CACNA2D3: variants seen among roughly 807,000 people sequenced by gnomAD.
CACNA2D3 encodes calcium voltage-gated channel auxiliary subunit alpha2delta 3, also known as voltage-dependent calcium channel subunit alpha-2/delta-3.
Under a neutral mutation model 160.6 loss-of-function variants are expected in CACNA2D3, and 60 were observed. That is an observed-to-expected ratio of 0.37 (90% CI 0.30 to 0.46). The LOEUF (loss-of-function observed/expected upper bound fraction) is 0.46. Ranked by LOEUF, CACNA2D3 falls within the 20% of genes least tolerant of loss-of-function variation. The pLI, the probability that CACNA2D3 is intolerant of heterozygous loss-of-function variation, is 1.00. For synonymous variants in CACNA2D3, 558 were observed against 492.9 expected (o/e 1.13, Z -1.75); for missense variants, 1,205 against 1,365.0 (o/e 0.88, Z 1.85).
intron 2 of CACNA2D3, among the ~76,000 whole-genome samples, chr3:54,158,874 C>G (rs1700290065): frequency 6.6e-6 from 1 of 152,206 alleles, no homozygotes; most frequent in Non-Finnish European, 1.5e-5. Flanking sequence ...TGTCCTACCT[C>G]TGTGCACATG....
At position 55,074,492 on chromosome 3, in the gene CACNA2D3, G is replaced by T; in HGVS notation, c.*286G>T. 1 of 387,962 alleles carries T rather than the reference G, an allele frequency of 2.6e-6. No individual in the cohort carries two copies. Among genetic ancestry groups the T allele is most frequent in the Non-Finnish European group, 4.7e-6 (1 of 213,804 alleles). The allele number at this position is 387,962 out of a possible 1,614,324, so 24.0% of individuals were successfully genotyped here. A position where few individuals can be genotyped will look rare whatever the true frequency, so the allele number is the denominator to read the frequency against. The stretch of plus-strand genomic sequence containing the variant: ...GCAAGTGGTAGGCAGTGTCCCTTCT[G>T]CTTGAAACCTATTGAAACCAATTTA... On this transcript the variant is annotated 3_prime_UTR_variant, in exon 38 of 38. Coordinates refer to ENST00000474759, the MANE Select transcript of CACNA2D3 (RefSeq NM_018398.3).
chr3:54,828,026 A>G (rs1386514298), intron 14 of CACNA2D3, among the ~76,000 whole-genome samples: 2 of 152,206 alleles, frequency 1.3e-5, no homozygotes, highest in Admixed American at 6.5e-5. Flanking sequence ...CTTTGGTTGT[A>G]GAATAAAGAT....
intron 11 of CACNA2D3, among the ~76,000 whole-genome samples, chr3:54,673,856 C>A (rs1367951750): frequency 6.6e-6 from 1 of 152,124 alleles, no homozygotes; most frequent in East Asian, 1.9e-4. Flanking sequence ...GGTGAAAGGC[C>A]CTTCACTCTC....
chr3:54,795,285 C>T (rs1388303407), intron 13 of CACNA2D3, among the ~76,000 whole-genome samples: 1 of 151,742 alleles, frequency 6.6e-6, no homozygotes, highest in Non-Finnish European at 1.5e-5. Flanking sequence ...TTTTATTTAT[C>T]CCTTTATTGT....
intron 20 of CACNA2D3, among the ~76,000 whole-genome samples, 163 bp downstream of exon 20, chr3:54,879,574 C>T (rs115182866): frequency 0.054 from 8,230 of 152,128 alleles, 679 homozygotes; most frequent in African/African-American, 0.18. Context: ...CTTTTGTTTT[C>T]CAGAAGGGGG....
chr3:54,193,752 A>G (rs1053493001), intron 2 of CACNA2D3, among the ~76,000 whole-genome samples: 2 of 152,174 alleles, frequency 1.3e-5, no homozygotes, highest in Non-Finnish European at 2.9e-5. Context: ...TCGAGGCTGA[A>G]TTACAATGTG....
intron 2 of CACNA2D3, among the ~76,000 whole-genome samples, chr3:54,191,619 G>C (rs1170759696): frequency 6.6e-6 from 1 of 152,088 alleles, no homozygotes; most frequent in South Asian, 2.1e-4. Context: ...GCTTGTGCCT[G>C]GTGCTGGGAG....
At chr3:54,235,018 TA>T (rs559775551) in intron 2 of CACNA2D3, among the ~76,000 whole-genome samples, 1 of 151,984 alleles carries the variant, frequency 6.6e-6, no homozygotes, top group Non-Finnish European at 1.5e-5. Context: ...AAATAAAAGT[TA>T]AAAAAAATTC....
intron 9 of CACNA2D3, among the ~76,000 whole-genome samples, chr3:54,592,214 T>C (rs1213553614): frequency 1.3e-5 from 2 of 152,212 alleles, no homozygotes; most frequent in Admixed American, 6.5e-5. Context: ...GAAGAGGTAG[T>C]GAGAGGATCT....
At chr3:55,024,524 T>A (rs1042525038) in intron 35 of CACNA2D3, among the ~76,000 whole-genome samples, 2 of 152,082 alleles carry the variant, frequency 1.3e-5, no homozygotes, top group Non-Finnish European at 2.9e-5. Context: ...AAAATAAGTT[T>A]GAGGGAATCT....
intron 13 of CACNA2D3, chr3:54,789,934 C>T: frequency 2.1e-6 from 1 of 483,500 alleles, no homozygotes; most frequent in Non-Finnish European, 4.2e-6. Flanking sequence ...GAGATTCACC[C>T]TCTGTGTTCT....
At chr3:54,675,650 G>C (rs375206344) in intron 11 of CACNA2D3, among the ~76,000 whole-genome samples, 4 of 152,158 alleles carry the variant, frequency 2.6e-5, no homozygotes, top group East Asian at 3.9e-4. Flanking sequence ...ATGCTGCTGT[G>C]CATTCCTGGG....
intron 2 of CACNA2D3, among the ~76,000 whole-genome samples, chr3:54,209,748 C>T (rs1701338907): frequency 6.6e-6 from 1 of 152,210 alleles, no homozygotes; most frequent in Non-Finnish European, 1.5e-5. Flanking sequence ...TAGCCTCCTC[C>T]AGAGGATGTT....
intron 14 of CACNA2D3, among the ~76,000 whole-genome samples, chr3:54,829,518 C>G (rs1420590057): frequency 6.6e-6 from 1 of 152,108 alleles, no homozygotes; most frequent in Non-Finnish European, 1.5e-5. Context: ...ATCCCCTTTT[C>G]CAGATGTACG....
intron 4 of CACNA2D3, among the ~76,000 whole-genome samples, chr3:54,494,419 C>G (rs757185114): frequency 7.2e-5 from 11 of 152,302 alleles, no homozygotes; most frequent in South Asian, 4.1e-4. Context: ...GCTTTCATCC[C>G]TATTTCATCT....
chr3:54,963,239 A>G (rs1702072379), intron 27 of CACNA2D3, among the ~76,000 whole-genome samples: 1 of 152,116 alleles, frequency 6.6e-6, no homozygotes, highest in Non-Finnish European at 1.5e-5. Flanking sequence ...TAAACCCCCT[A>G]TACCTAAGTC....
intron 4 of CACNA2D3, among the ~76,000 whole-genome samples, chr3:54,430,488 A>G (rs1699972872): frequency 6.6e-6 from 1 of 152,148 alleles, no homozygotes; most frequent in African/African-American, 2.4e-5. Flanking sequence ...GACAGTTGGA[A>G]TTTATACCAT....
At chr3:54,213,786 A>G (rs1701418269) in intron 2 of CACNA2D3, among the ~76,000 whole-genome samples, 2 of 152,194 alleles carry the variant, frequency 1.3e-5, no homozygotes, top group Admixed American at 1.3e-4. Flanking sequence ...AGGAAGATGG[A>G]AATAAAAATG....
At chr3:54,123,041 A>ACC (rs1302753108) in intron 1 of CACNA2D3, among the ~76,000 whole-genome samples, 2 of 151,944 alleles carry the variant, frequency 1.3e-5, no homozygotes, top group African/African-American at 4.8e-5. Context: ...GCCGAGTGAG[A>ACC]TCTGGAGAGG....
Sources: allele counts gnomAD v4.1 joint callset (sites outside exome capture counted in the v4.1 genomes callset), GRCh38; gene constraint gnomAD v4.1.1; transcripts MANE v1.5; gene names NCBI Gene and HGNC (gene_info 2026-07-23, HGNC 2026-07-21).